KCND3: variants seen among roughly 807,000 people sequenced by gnomAD.
KCND3 encodes A-type voltage-gated potassium channel KCND3.
In KCND3, 9 loss-of-function variants were observed where a neutral mutation model predicts 51.1. The observed-to-expected ratio is 0.18, with a 90% CI of 0.11 to 0.31. The LOEUF is 0.31. KCND3 is among the 10% of genes least tolerant of loss of function. The probability of loss-of-function intolerance (pLI) is 1.00; values close to 1 mark genes in which losing one functional copy is unlikely to be tolerated. For synonymous variants in KCND3, 349 were observed against 368.0 expected (o/e 0.95, Z 0.59); for missense variants, 526 against 903.8 (o/e 0.58, Z 5.36).
chr1:111,957,574 A>G, intron 2 of KCND3, among the ~76,000 whole-genome samples: 1 of 151,540 alleles, frequency 6.6e-6, no homozygotes. Context: ...AAAAAAAGAG[A>G]GATATGTGTT....
At position 111,982,744 on chromosome 1, in the gene KCND3, G is replaced by A; in HGVS notation, c.-18C>T. 1 of 1,597,918 alleles carries A rather than the reference G, an allele frequency of 6.3e-7. No homozygotes were observed. The highest frequency in any genetic ancestry group is 8.5e-7 in the Non-Finnish European group (1 of 1,177,904). On this transcript the variant is annotated 5_prime_UTR_variant, in exon 2 of 8. Transcript: ENST00000302127. This position sits in a 1 kb window ranked among gnomAD's most constrained non-coding sequence, Gnocchi z 8.5. ...GCCGCCATGGTGACTCCAGCTCTTGGGCCGGCAGCCGCGCGGACGCTAGGC... is the reference window on the plus strand; with the variant it reads ...GCCGCCATGGTGACTCCAGCTCTTGAGCCGGCAGCCGCGCGGACGCTAGGC...
intron 2 of KCND3, among the ~76,000 whole-genome samples, chr1:111,828,609 G>T (rs934755123): frequency 1.3e-5 from 2 of 152,116 alleles, no homozygotes; most frequent in Non-Finnish European, 2.9e-5. Context: ...TCCTGAGTAG[G>T]ACCTATCTTC....
rs374824879 is a variant in KCND3 at position 111,802,636 on chromosome 1, A to G, written c.1107-15530T>C. ...CTTGTTTCATGTCTCTCTACCCACC[A>G]GATGGTAAGCTGCATGAGAGCAGGC... is the stretch of plus-strand genomic sequence containing the variant. On this transcript the variant is annotated intron_variant, in intron 2 of 7. Coordinates refer to ENST00000302127, the MANE Select transcript of KCND3 (RefSeq NM_001378969.1). Among the ~76,000 whole-genome samples the G allele has an allele frequency of 3.9e-5, 6 of 152,214 alleles. No homozygotes were observed. In the East Asian group the frequency reaches 5.8e-4, roughly 15 times the overall value.
chr1:111,940,077 T>TTTTTTTTG (rs1672434058), intron 2 of KCND3, among the ~76,000 whole-genome samples: 1 of 100,270 alleles, frequency 1.0e-5, no homozygotes, highest in Non-Finnish European at 2.4e-5. Flanking sequence ...TTGATGGTTT[T>TTTTTTTTG]TTTTTTTTTT....
intron 2 of KCND3, among the ~76,000 whole-genome samples, chr1:111,798,156 A>G (rs944409298): frequency 6.6e-6 from 1 of 152,144 alleles, no homozygotes; most frequent in Non-Finnish European, 1.5e-5. Context: ...TTCCATCTCT[A>G]GCGAAGCTCC....
chr1:111,915,530 A>T (rs1293522858), intron 2 of KCND3, among the ~76,000 whole-genome samples: 1 of 152,134 alleles, frequency 6.6e-6, no homozygotes, highest in Non-Finnish European at 1.5e-5. Flanking sequence ...AGGTGGGAGG[A>T]TCACGAGGTC....
intron 3 of KCND3, among the ~76,000 whole-genome samples, chr1:111,783,593 C>G (rs941344441): frequency 6.6e-6 from 1 of 152,062 alleles, no homozygotes; most frequent in African/African-American, 2.4e-5. Context: ...CTATCTTTTG[C>G]TGTTGGAGAG....
At chr1:111,821,863 GGT>G (rs557292228) in intron 2 of KCND3, among the ~76,000 whole-genome samples, 3 of 152,032 alleles carry the variant, frequency 2.0e-5, no homozygotes, top group Non-Finnish European at 4.4e-5. Context: ...TGGCTCTGAG[GGT>G]GTGTGTGTGT....
intron 2 of KCND3, among the ~76,000 whole-genome samples, chr1:111,947,944 A>G (rs1425366365): frequency 1.3e-5 from 2 of 152,172 alleles, no homozygotes; most frequent in Non-Finnish European, 2.9e-5. Context: ...ATGTGTGTAT[A>G]TATGTGAGGA....
chr1:111,919,998 T>C (rs1671403452), intron 2 of KCND3, among the ~76,000 whole-genome samples: 1 of 152,204 alleles, frequency 6.6e-6, no homozygotes, highest in Admixed American at 6.5e-5. Flanking sequence ...CTCCCTCTCG[T>C]CTCTACTTCT....
intron 2 of KCND3, among the ~76,000 whole-genome samples, chr1:111,871,057 G>A (rs1358960866): frequency 2.0e-5 from 3 of 152,188 alleles, no homozygotes; most frequent in Non-Finnish European, 4.4e-5. Flanking sequence ...CAATTGAAAT[G>A]TGGAGGAATG....
chr1:111,852,406 C>T (rs1185989114), intron 2 of KCND3, among the ~76,000 whole-genome samples: 1 of 152,236 alleles, frequency 6.6e-6, no homozygotes, highest in African/African-American at 2.4e-5. Flanking sequence ...AGGGACTAAG[C>T]CTGAGCTGTG....
chr1:111,844,115 G>A (rs1037323933), intron 2 of KCND3, among the ~76,000 whole-genome samples: 7 of 152,158 alleles, frequency 4.6e-5, no homozygotes, highest in Admixed American at 1.3e-4. Context: ...CAGGATGGGA[G>A]CAAGGCACTC....
At chr1:111,924,771 C>T (rs1029557857) in intron 2 of KCND3, among the ~76,000 whole-genome samples, 5 of 152,240 alleles carry the variant, frequency 3.3e-5, no homozygotes, top group African/African-American at 4.8e-5. Context: ...TGCCTTGCAT[C>T]TGACTCTTTA....
intron 2 of KCND3, among the ~76,000 whole-genome samples, chr1:111,796,872 C>T (rs1479732403): frequency 1.3e-5 from 2 of 152,162 alleles, no homozygotes; most frequent in African/African-American, 2.4e-5. Context: ...AAGGGGTGGG[C>T]GACCCTTCCA....
At chr1:111,958,374 A>T (rs930161898) in intron 2 of KCND3, among the ~76,000 whole-genome samples, 17 of 152,162 alleles carry the variant, frequency 1.1e-4, no homozygotes, top group Admixed American at 1.0e-3. Flanking sequence ...GTCCATTCGC[A>T]GTGCTCAGAA....
intron 2 of KCND3, among the ~76,000 whole-genome samples, chr1:111,800,552 TAAAA>T (rs71580591): frequency 8.7e-5 from 11 of 126,298 alleles, no homozygotes; most frequent in African/African-American, 2.2e-4. Flanking sequence ...AAAATAAATT[TAAAA>T]AAAAAAAAAA....
At chr1:111,873,974 C>A (rs972239047) in intron 2 of KCND3, among the ~76,000 whole-genome samples, 22 of 152,062 alleles carry the variant, frequency 1.4e-4, no homozygotes, top group Non-Finnish European at 2.6e-4. Flanking sequence ...CTCGATTATA[C>A]CCAGGTGGAT....
intron 2 of KCND3, among the ~76,000 whole-genome samples, chr1:111,926,162 C>T (rs1377200136): frequency 2.6e-5 from 4 of 152,094 alleles, no homozygotes; most frequent in Non-Finnish European, 5.9e-5. Context: ...GGCATAAGAG[C>T]TCCTTCAACT....
Sources: allele counts gnomAD v4.1 joint callset (sites outside exome capture counted in the v4.1 genomes callset), GRCh38; gene constraint gnomAD v4.1.1; non-coding constraint Gnocchi (gnomAD v3.1); transcripts MANE v1.5; gene names NCBI Gene and HGNC (gene_info 2026-07-23, HGNC 2026-07-21).